Variants in ROM1 observed in about 807,000 individuals in gnomAD.
ROM1 encodes the protein retinal outer segment membrane protein 1.
A neutral mutation model predicts 23.0 loss-of-function variants in ROM1; 17 were observed. The observed-to-expected ratio is 0.74, with a 90% CI of 0.51 to 1.11. The LOEUF (loss-of-function observed/expected upper bound fraction) is 1.11, where lower values mean the gene tolerates loss of function less well. Among genes scored for constraint, ROM1 ranks in the 50% least tolerant of loss-of-function variants. The pLI, the probability that ROM1 is intolerant of heterozygous loss-of-function variation, is 0.00. For synonymous variants in ROM1, 200 were observed against 206.5 expected (o/e 0.97, Z 0.27); for missense variants, 436 against 439.7 (o/e 0.99, Z 0.08).
chr11:62,614,512 A>G lies in ROM1; in HGVS notation c.837+8A>G, dbSNP rs767786932. ...GTCACCTTCCTACTGCAGGTGAGTCAGCAAAGCATCTGACACCTCCTCCCA... is the reference window on the plus strand; with the variant it reads ...GTCACCTTCCTACTGCAGGTGAGTCGGCAAAGCATCTGACACCTCCTCCCA... On this transcript the variant is annotated splice_region_variant and intron_variant, in intron 2 of 2. Transcript: ENST00000278833. The G allele has an allele frequency of 1.2e-6, 2 of 1,614,140 alleles. No homozygotes were observed. Among genetic ancestry groups the G allele is most frequent in the Non-Finnish European group, 1.7e-6 (2 of 1,180,014 alleles).
chr11:62,614,138 A>G, intron 1 of ROM1, 120 bp from the exon 2 acceptor site: 1 of 1,293,942 alleles, frequency 7.7e-7, no homozygotes, highest in Non-Finnish European at 1.1e-6. Flanking sequence ...GCTGGCACAT[A>G]GTACAGCAGT....
rs199757012 is a variant in ROM1 at position 62,613,459 on chromosome 11, C to T, written c.178C>T (p.Pro60Ser). The T allele has an allele frequency of 2.5e-6, 4 of 1,612,950 alleles. No individual in the cohort carries two copies. The African/African-American group carries it at 4.0e-5, about 16-fold the overall frequency. ...CTTCCTGGCTCCCTCCTGTCAGTTC[C>T]CTGTCCTGCCCCAGGCTGCCCTGGC... ...GTFLAPSCQF[P>S]VLPQAALAAG... The change falls in exon 1 of 3, where the codon CCT becomes TCT. Residue 60 changes from proline to serine, a missense_variant. Physicochemically the swap from Pro to Ser is moderately conservative, Grantham distance 74. Coordinates refer to ENST00000278833, the MANE Select transcript of ROM1 (RefSeq NM_000327.4).
chr11:62,614,188 T>G, intron 1 of ROM1, 70 bp from the exon 2 acceptor site: 2 of 1,566,058 alleles, frequency 1.3e-6, no homozygotes, highest in South Asian at 2.2e-5. Context: ...TCTGAACACC[T>G]GTGCCCTTCA....
At position 62,613,295 on chromosome 11, in the gene ROM1, T is replaced by C; in HGVS notation, c.14T>C (p.Leu5Ser). Residue 5 changes from leucine to serine, a missense_variant, in exon 1 of 3, where the codon TTG (leucine) becomes TCG (serine). Transcript: ENST00000278833. Reference protein sequence around the residue: MAPVLPLVLPLQPRI... With the variant: MAPVSPLVLPLQPRI... ...CAGAGATGGGAGATGGCGCCGGTGT[T>C]GCCCCTGGTGCTGCCCCTGCAGCCC... 1 of 1,607,020 alleles carries C rather than the reference T, an allele frequency of 6.2e-7. No homozygotes were observed. Among genetic ancestry groups the C allele is most frequent in the Non-Finnish European group, 8.5e-7 (1 of 1,178,108 alleles).
At chr11:62,614,580 C>T (rs957845308) in intron 2 of ROM1, 41 bp from the exon 3 acceptor site, 16 of 1,614,024 alleles carry the variant, frequency 9.9e-6, no homozygotes, top group Non-Finnish European at 1.3e-5. Context: ...CTCTTGGAAC[C>T]GCTGACTCTC....
Position 62,613,646 on chromosome 11 carries a change from C to G in ROM1, c.365C>G (p.Ala122Gly). 5.0e-6 allele frequency: 8 copies of G among 1,613,846 alleles called. No homozygotes were observed. The highest frequency in any genetic ancestry group is 5.9e-6 in the Non-Finnish European group (7 of 1,179,950). The change falls in exon 1 of 3, where the codon GCC becomes GGC. Residue 122 changes from alanine to glycine, a missense_variant. Ala to Gly is a moderately conservative substitution (Grantham distance 60, BLOSUM62 0). Coordinates refer to ENST00000278833, the MANE Select transcript of ROM1 (RefSeq NM_000327.4). ...CTCCTGGTCGTCGGCCTCGGGCTAG[C>G]CCTGGCTTTGCCTGGGAGTCTGGAT... ...GGLLVVGLGL[A>G]LALPGSLDEA...
chr11:62,614,581 G>A lies in ROM1; in HGVS notation c.838-40G>A, dbSNP rs201500167. On this transcript the variant is annotated intron_variant, in intron 2 of 2. Coordinates refer to ENST00000278833, the MANE Select transcript of ROM1 (RefSeq NM_000327.4). ...CTCCAACCCTGGGCCTCTTGGAACC[G>A]CTGACTCTCCCTGACTCTTTCCCCT... is the stretch of plus-strand genomic sequence containing the variant. 7 of 1,614,058 alleles carry A rather than the reference G, an allele frequency of 4.3e-6. No homozygotes were observed. In the Admixed American group the frequency reaches 5.0e-5, roughly 12 times the overall value.
intron 1 of ROM1, 47 bp from the exon 2 acceptor site, chr11:62,614,211 G>A (rs1227632431): frequency 1.9e-6 from 3 of 1,610,538 alleles, no homozygotes; most frequent in African/African-American, 2.7e-5. Context: ...CCCTCCCCCA[G>A]GCCTCTATCT....
chr11:62,613,943 CCA>C (rs1254838290), intron 1 of ROM1, 72 bp downstream of exon 1: 1 of 1,606,352 alleles, frequency 6.2e-7, no homozygotes, highest in African/African-American at 1.3e-5. Context: ...CCTTGAATCC[CCA>C]CCTCGCTCAG....
Position 62,613,328 on chromosome 11 carries a change from G to T in ROM1, c.47G>T (p.Arg16Leu). Residue 16 changes from arginine to leucine, a missense_variant, in exon 1 of 3, where the codon CGC becomes CTC. Physicochemically the swap from Arg to Leu is moderately radical, Grantham distance 102. Transcript: ENST00000278833. Reference protein sequence around the residue: ...PLVLPLQPRIRLAQGLWLLSW... With the variant: ...PLVLPLQPRILLAQGLWLLSW... ...GTGCTGCCCCTGCAGCCCCGCATCC[G>T]CCTGGCACAAGGGCTCTGGCTCCTC... is the stretch of plus-strand genomic sequence containing the variant. 6.2e-7 allele frequency: 1 copy of T among 1,612,596 alleles called. No individual in the cohort carries two copies. Among genetic ancestry groups the T allele is most frequent in the Non-Finnish European group, 8.5e-7 (1 of 1,179,698 alleles).
chr11:62,613,697 C>A lies in ROM1; in HGVS notation c.416C>A (p.Thr139Asn). ...GAGGCGCTGGAGGAGGGCCTGGTGA[C>A]TGCCTTGGCTCACTACAAGGACACA... ...LDEALEEGLV[T>N]ALAHYKDTEV... is the part of the protein sequence containing the mutation. The change falls in exon 1 of 3, where the codon ACT (threonine) becomes AAT (asparagine). Residue 139 changes from threonine (T) to asparagine (N), a missense_variant. Physicochemically the swap from Thr to Asn is moderately conservative, Grantham distance 65 (BLOSUM62 0). Coordinates refer to ENST00000278833, the MANE Select transcript of ROM1 (RefSeq NM_000327.4). The A allele has an allele frequency of 6.2e-7, 1 of 1,614,210 alleles. No homozygotes were observed. The highest frequency in any genetic ancestry group is 8.5e-7 in the Non-Finnish European group (1 of 1,180,024).
In ROM1 at chr11:62,613,860, G is replaced by A; in HGVS notation, c.579G>A (p.Arg193=). ...GCCGTTACCTGGATCCCGGTGACCG[G>A]GATGTGGCTGAGTGAGTGATTTGCG... The part of the protein sequence containing the change: ...VSSRYLDPGD[R]DVADRIQSNV... Residue 193 remains arginine, a synonymous_variant, in exon 1 of 3, where the codon CGG becomes CGA. Coordinates refer to ENST00000278833, the MANE Select transcript of ROM1 (RefSeq NM_000327.4). 1 of 1,613,842 alleles carries A rather than the reference G, an allele frequency of 6.2e-7. No individual in the cohort carries two copies. The highest frequency in any genetic ancestry group is 8.5e-7 in the Non-Finnish European group (1 of 1,179,910).
chr11:62,613,369 C>T lies in ROM1; in HGVS notation c.88C>T (p.Leu30=). 1 of 1,613,702 alleles carries T rather than the reference C, an allele frequency of 6.2e-7. No individual in the cohort carries two copies. Among genetic ancestry groups the T allele is most frequent in the Non-Finnish European group, 8.5e-7 (1 of 1,179,848 alleles). The part of the protein sequence containing the change: ...GLWLLSWLLA[L]AGGVILLCSG... Reference sequence around the variant, plus strand: ...CTGGCTCCTCTCCTGGCTGCTGGCGCTGGCTGGTGGCGTCATCCTCCTCTG... The same window carrying T: ...CTGGCTCCTCTCCTGGCTGCTGGCGTTGGCTGGTGGCGTCATCCTCCTCTG... Residue 30 remains leucine (L), a synonymous_variant, in exon 1 of 3, where the codon CTG becomes TTG. Transcript: ENST00000278833.
At position 62,613,863 on chromosome 11, in the gene ROM1, T is replaced by A; in HGVS notation, c.582T>A (p.Asp194Glu). 6.2e-7 allele frequency: 1 copy of A among 1,613,904 alleles called. No homozygotes were observed. Among genetic ancestry groups the A allele is most frequent in the Non-Finnish European group, 8.5e-7 (1 of 1,179,900 alleles). ...SSRYLDPGDRDVADRIQSNVE... is the reference protein window; with the variant it reads ...SSRYLDPGDREVADRIQSNVE... ...GTTACCTGGATCCCGGTGACCGGGA[T>A]GTGGCTGAGTGAGTGATTTGCGTCT... The change falls in exon 1 of 3, where the codon GAT becomes GAA. Residue 194 changes from aspartate (D) to glutamate (E), a missense_variant. Physicochemically the swap from Asp to Glu is conservative, Grantham distance 45 (BLOSUM62 2). Transcript: ENST00000278833.
At chr11:62,614,591 C>T (rs1410872826) in intron 2 of ROM1, 30 bp from the exon 3 acceptor site, 2 of 1,614,178 alleles carry the variant, frequency 1.2e-6, no homozygotes, top group Non-Finnish European at 1.7e-6. Context: ...GCTGACTCTC[C>T]CTGACTCTTT....
Position 62,614,306 on chromosome 11 carries a change from T to A in ROM1, c.639T>A (p.Pro213=). Residue 213 remains proline, a synonymous_variant, in exon 2 of 3, where the codon CCT becomes CCA. Coordinates refer to ENST00000278833, the MANE Select transcript of ROM1 (RefSeq NM_000327.4). ...GCCTATACCTGACTGATGGGGTCCC[T>A]TTCTCCTGTTGCAACCCCCACTCAC... ...VEGLYLTDGV[P]FSCCNPHSPR... 1 of 1,614,102 alleles carries A rather than the reference T, an allele frequency of 6.2e-7. No homozygotes were observed. Among genetic ancestry groups the A allele is most frequent in the Non-Finnish European group, 8.5e-7 (1 of 1,180,010 alleles).
chr11:62,613,410 G>C lies in ROM1; in HGVS notation c.129G>C (p.Leu43=). The part of the protein sequence containing the change: ...GVILLCSGHL[L]VQLRHLGTFL... ...TCCTCCTCTGTAGTGGGCACCTCCT[G>C]GTCCAGCTAAGGCACCTTGGCACCT... Residue 43 remains leucine, a synonymous_variant, in exon 1 of 3, where the codon CTG becomes CTC. Transcript: ENST00000278833. 2 of 1,613,320 alleles carry C rather than the reference G, an allele frequency of 1.2e-6. No individual in the cohort carries two copies. Among genetic ancestry groups the C allele is most frequent in the East Asian group, 4.5e-5 (2 of 44,834 alleles).
At position 62,614,799 on chromosome 11, in the gene ROM1, CAGGAGA is replaced by C. The variant is rs1565073989; in HGVS notation, c.1019_1024del (p.Gly340_Glu341del). ...AGGCCAGCACCTGAGGAGGCCCCACCAGGAGAAGCACCTCCCAAGGAGGATCTATCT... is the reference window on the plus strand; with the variant it reads ...AGGCCAGCACCTGAGGAGGCCCCACCAGCACCTCCCAAGGAGGATCTATCT... On this transcript the variant is annotated inframe_deletion, in exon 3 of 3. Coordinates refer to ENST00000278833, the MANE Select transcript of ROM1 (RefSeq NM_000327.4). The C allele has an allele frequency of 1.9e-6, 3 of 1,614,166 alleles. No individual in the cohort carries two copies. Among genetic ancestry groups the C allele is most frequent in the Non-Finnish European group, 2.5e-6 (3 of 1,180,016 alleles).
chr11:62,614,485 C>G lies in ROM1; in HGVS notation c.818C>G (p.Ala273Gly). 6.2e-7 allele frequency: 1 copy of G among 1,614,180 alleles called. No individual in the cohort carries two copies. Among genetic ancestry groups the G allele is most frequent in the Non-Finnish European group, 8.5e-7 (1 of 1,180,036 alleles). The change falls in exon 2 of 3, where the codon GCT (alanine) becomes GGT (glycine). Residue 273 changes from alanine (A) to glycine (G), a missense_variant. Physicochemically the swap from Ala to Gly is moderately conservative, Grantham distance 60. Transcript: ENST00000278833. ...GCAGGCACACTGGGTAGCATGCTGG[C>G]TGTCACCTTCCTACTGCAGGTGAGT... ...DLAGTLGSML[A>G]VTFLLQALVL...
Sources: gnomAD v4.1 joint callset for allele counts on GRCh38, gnomAD v4.1.1 for gene constraint, MANE v1.5 for transcripts, NCBI Gene and HGNC (gene_info 2026-07-23, HGNC 2026-07-21) for gene names.